Variants in ATF7 observed in about 807,000 individuals in gnomAD.
ATF7 encodes activating transcription factor 7.
ATF7 carries 10 observed loss-of-function variants against 50.4 expected under a neutral mutation model. That is an observed-to-expected ratio of 0.20 (90% CI 0.12 to 0.34). The LOEUF is 0.34. Ranked by LOEUF, ATF7 falls within the 10% of genes least tolerant of loss-of-function variation. ATF7 has a pLI of 1.00. For synonymous variants in ATF7, 201 were observed against 226.4 expected (o/e 0.89, Z 1.01); for missense variants, 465 against 613.9 (o/e 0.76, Z 2.56).
At chr12:53,536,279 C>CTT (rs879890925) in intron 5 of ATF7, among the ~76,000 whole-genome samples, 15 of 139,918 alleles carry the variant, frequency 1.1e-4, no homozygotes, top group Admixed American at 2.2e-4. Flanking sequence ...TATTAGTTCA[C>CTT]TTTTTTTTTT....
At chr12:53,511,439 G>A (rs1356340162), downstream of ATF7, among the ~76,000 whole-genome samples, 6 of 152,062 alleles carry the variant, frequency 3.9e-5, no homozygotes, top group Admixed American at 3.9e-4. Context: ...TAGTAGAGAC[G>A]GGGTTTCTCC....
chr12:53,531,922 C>T lies in ATF7; in HGVS notation c.775-26G>A, dbSNP rs563159006. ...CTGTGGGCAAAGATAAGAAAAAATG[C>T]TTGTTAAGGATCAGATTCTATCAAG... On this transcript the variant is annotated intron_variant, in intron 8 of 11. Transcript: ENST00000420353. The T allele has an allele frequency of 3.7e-6, 6 of 1,611,140 alleles. No homozygotes were observed. In the African/African-American group the frequency reaches 6.7e-5, roughly 18 times the overall value.
chr12:53,547,127 G>A (rs1939984645), intron 3 of ATF7, among the ~76,000 whole-genome samples: 1 of 151,086 alleles, frequency 6.6e-6, no homozygotes, highest in African/African-American at 2.4e-5. Context: ...TGGGACTACA[G>A]GCGCCCGCCA....
intron 2 of ATF7, among the ~76,000 whole-genome samples, chr12:53,590,244 T>G (rs533808624): frequency 1.3e-5 from 2 of 152,188 alleles, no homozygotes; most frequent in Non-Finnish European, 2.9e-5. Flanking sequence ...ACAGTCGTCA[T>G]TAAACCAATT....
chr12:53,599,782 T>C (rs1430261878), intron 2 of ATF7, among the ~76,000 whole-genome samples: 1 of 152,152 alleles, frequency 6.6e-6, no homozygotes, highest in Non-Finnish European at 1.5e-5. Flanking sequence ...TAAGTGTCAG[T>C]GGACAGTCAC....
intron 1 of ATF7, among the ~76,000 whole-genome samples, chr12:53,616,504 G>A (rs1944122868): frequency 6.6e-6 from 1 of 151,502 alleles, no homozygotes; most frequent in Non-Finnish European, 1.5e-5. Context: ...TTACATGTGT[G>A]GGCCAACTCA....
chr12:53,600,761 C>A lies in ATF7; in HGVS notation c.48+192G>T, dbSNP rs1467309433. On this transcript the variant is annotated intron_variant, in intron 2 of 11. Coordinates refer to ENST00000420353, the MANE Select transcript of ATF7 (RefSeq NM_006856.3). ...ACCAGTAGAATAACAATATGGAAGA[C>A]AGCAAGGCAGATTTCATTACGGTAG... 5 of 541,684 alleles carry A rather than the reference C, an allele frequency of 9.2e-6. No homozygotes were observed. The East Asian group carries it at 1.6e-4, about 17-fold the overall frequency. The allele number at this position is 541,684 out of a possible 1,614,324, so 33.6% of individuals were successfully genotyped here. A position where few individuals can be genotyped will look rare whatever the true frequency, so the allele number is the denominator to read the frequency against.
chr12:53,587,845 T>TATATATATATATATA (rs201911747), intron 2 of ATF7, among the ~76,000 whole-genome samples: 11 of 31,658 alleles, frequency 3.5e-4, no homozygotes, highest in South Asian at 2.2e-3. Context: ...ATATATATAT[T>TATATATATATATATA]TTTTTTTTTT....
intron 2 of ATF7, 44 bp downstream of exon 2, chr12:53,600,909 G>C (rs1208669867): frequency 1.3e-6 from 2 of 1,594,744 alleles, no homozygotes; most frequent in Non-Finnish European, 1.7e-6. Context: ...CAGCCACTTT[G>C]ATTCACAACG....
chr12:53,572,082 A>G (rs529051839), intron 2 of ATF7, among the ~76,000 whole-genome samples: 37 of 152,312 alleles, frequency 2.4e-4, no homozygotes, highest in African/African-American at 8.4e-4. Context: ...AAAAAAAGAA[A>G]AAGTGTTTTA....
intron 4 of ATF7, among the ~76,000 whole-genome samples, chr12:53,542,096 G>T (rs1939588485): frequency 1.5e-5 from 2 of 131,274 alleles, no homozygotes; most frequent in South Asian, 4.9e-4. Context: ...GTGAGCCACT[G>T]CGCCTGGCCT....
intron 1 of ATF7, among the ~76,000 whole-genome samples, chr12:53,616,592 A>G (rs1162653515): frequency 6.6e-6 from 1 of 152,218 alleles, no homozygotes; most frequent in Non-Finnish European, 1.5e-5. Context: ...AAGAAACTTT[A>G]TGCACATTCT....
At chr12:53,617,033 C>G (rs1197228430) in intron 1 of ATF7, among the ~76,000 whole-genome samples, 1 of 151,068 alleles carries the variant, frequency 6.6e-6, no homozygotes, top group Admixed American at 6.6e-5. Flanking sequence ...TGTATTATTT[C>G]TTTCTTTGAG....
At chr12:53,576,348 T>C (rs1942066674) in intron 2 of ATF7, among the ~76,000 whole-genome samples, 1 of 152,172 alleles carries the variant, frequency 6.6e-6, no homozygotes, top group Non-Finnish European at 1.5e-5. Flanking sequence ...CAACCTTCCT[T>C]AGTGCTATGG....
downstream of ATF7, among the ~76,000 whole-genome samples, chr12:53,511,497 G>A (rs148932561): frequency 2.9e-3 from 448 of 152,232 alleles, 14 homozygotes; most frequent in East Asian, 0.062. Flanking sequence ...TGATCAACCC[G>A]CCTCAGCCTC....
intron 9 of ATF7, among the ~76,000 whole-genome samples, chr12:53,527,175 A>G (rs1421527675): frequency 6.7e-6 from 1 of 149,754 alleles, no homozygotes; most frequent in African/African-American, 2.5e-5. Flanking sequence ...ATAAAATAAA[A>G]TAAAAAAATT....
At chr12:53,620,787 A>T (rs1480856509) in intron 1 of ATF7, among the ~76,000 whole-genome samples, 1 of 151,996 alleles carries the variant, frequency 6.6e-6, no homozygotes, top group Non-Finnish European at 1.5e-5. Flanking sequence ...CAACCAAAAG[A>T]CAGTAACAAA....
chr12:53,600,768 G>A (rs1244094394), intron 2 of ATF7, 185 bp downstream of exon 2: 11 of 553,438 alleles, frequency 2.0e-5, no homozygotes, highest in Non-Finnish European at 2.9e-5. Flanking sequence ...AGACAGCAAG[G>A]CAGATTTCAT....
At chr12:53,517,482 G>A (rs1023237329) in intron 11 of ATF7, 128 bp from the exon 12 acceptor site, 112 of 907,814 alleles carry the variant, frequency 1.2e-4, no homozygotes, top group Middle Eastern at 6.7e-4. Flanking sequence ...CTTTTTTTTG[G>A]GGAAAACTTC....
Sources: gnomAD v4.1 joint callset for allele counts (sites outside exome capture counted in the v4.1 genomes callset) on GRCh38, gnomAD v4.1.1 for gene constraint, MANE v1.5 for transcripts, NCBI Gene and HGNC (gene_info 2026-07-23, HGNC 2026-07-21) for gene names.